CAMK2D: variants seen among roughly 807,000 people sequenced by gnomAD.
The protein encoded by CAMK2D is calcium/calmodulin dependent protein kinase II delta.
In CAMK2D, 37 loss-of-function variants were observed where a neutral mutation model predicts 84.0. The ratio of observed to expected loss-of-function variants is 0.44; its 90% CI spans 0.34 to 0.58. The LOEUF is 0.58. CAMK2D is among the 20% of genes least tolerant of loss of function. The pLI is 0.02. For synonymous variants in CAMK2D, 202 were observed against 212.5 expected (o/e 0.95, Z 0.43); for missense variants, 448 against 652.5 (o/e 0.69, Z 3.41).
intron 6 of CAMK2D, among the ~76,000 whole-genome samples, chr4:113,546,980 T>C (rs2098581457): frequency 6.6e-6 from 1 of 152,200 alleles, no homozygotes; most frequent in Admixed American, 6.5e-5. Context: ...AGAATATGTA[T>C]ATAGGGATAT....
intron 2 of CAMK2D, among the ~76,000 whole-genome samples, chr4:113,681,944 C>A (rs1037026562): frequency 6.6e-6 from 1 of 151,866 alleles, no homozygotes; most frequent in African/African-American, 2.4e-5. Context: ...GTTTCTCCAG[C>A]ACAAAGTATG....
intron 3 of CAMK2D, among the ~76,000 whole-genome samples, chr4:113,642,301 A>G (rs1201757641): frequency 1.3e-5 from 2 of 152,244 alleles, no homozygotes; most frequent in Non-Finnish European, 2.9e-5. Context: ...TATGATTTCC[A>G]TTCAGGATGG....
At chr4:113,725,513 T>C (rs2099543249) in intron 2 of CAMK2D, among the ~76,000 whole-genome samples, 1 of 152,158 alleles carries the variant, frequency 6.6e-6, no homozygotes, top group Non-Finnish European at 1.5e-5. Context: ...CTGGCCTTTC[T>C]AAGCCACTAA....
At position 113,549,259 on chromosome 4, in the gene CAMK2D, T is replaced by C. The variant is rs72907828; in HGVS notation, c.342-1543A>G. Among the ~76,000 whole-genome samples, 817 of 152,284 alleles carry C rather than the reference T, an allele frequency of 5.4e-3. 12 individuals are homozygous for C. Among genetic ancestry groups the C allele is most frequent in the African/African-American group, 0.019 (783 of 41,566 alleles). On this transcript the variant is annotated intron_variant, in intron 5 of 20. Transcript: ENST00000511664. ...TTCGCCTTAGAAGCGTTGCTTTTTG[T>C]AAAGTATATAACAGGAAAACAAATG...
At chr4:113,507,494 C>T (rs1046838140) in intron 13 of CAMK2D, among the ~76,000 whole-genome samples, 1 of 151,904 alleles carries the variant, frequency 6.6e-6, no homozygotes, top group Non-Finnish European at 1.5e-5. Flanking sequence ...GTCTCGAACT[C>T]CTGATCTCAG....
intron 2 of CAMK2D, among the ~76,000 whole-genome samples, chr4:113,676,780 C>G (rs932341699): frequency 6.6e-6 from 1 of 152,166 alleles, no homozygotes; most frequent in African/African-American, 2.4e-5. Context: ...GCTAAAATAG[C>G]TCTTGTCTCT....
intron 2 of CAMK2D, among the ~76,000 whole-genome samples, chr4:113,726,910 A>G (rs1376970876): frequency 6.6e-6 from 1 of 152,124 alleles, no homozygotes; most frequent in Non-Finnish European, 1.5e-5. Context: ...TCCTCTTAAT[A>G]TAAGGAAGTA....
rs1358643586 is a variant in CAMK2D, at chr4:113,761,373, G to A, written c.-305C>T. The A allele has an allele frequency of 4.5e-6, 6 of 1,329,336 alleles. No individual in the cohort carries two copies. Among genetic ancestry groups the A allele is most frequent in the Non-Finnish European group, 5.8e-6 (6 of 1,033,128 alleles). 82.3% of individuals were successfully genotyped at this position (1,329,336 alleles called of 1,614,324 possible). Reference sequence around the variant, plus strand: ...TTCCAGTCCCTGTCCCCAAATGCAGGGGGTAAAGTACTCAAGAAGAGGGGG... The same window carrying A: ...TTCCAGTCCCTGTCCCCAAATGCAGAGGGTAAAGTACTCAAGAAGAGGGGG... On this transcript the variant is annotated 5_prime_UTR_variant, in exon 1 of 21. Transcript: ENST00000511664.
chr4:113,510,479 A>G (rs996739595), intron 12 of CAMK2D, among the ~76,000 whole-genome samples: 4 of 152,182 alleles, frequency 2.6e-5, no homozygotes, highest in Admixed American at 2.6e-4. Flanking sequence ...GGGAGCTTTT[A>G]ACATTCCTTC....
intron 2 of CAMK2D, among the ~76,000 whole-genome samples, chr4:113,752,683 T>A (rs2099620028): frequency 6.6e-6 from 1 of 152,188 alleles, no homozygotes; most frequent in South Asian, 2.1e-4. Context: ...GAGATATTTT[T>A]AATCAGTTAA....
At chr4:113,617,960 A>T (rs868492222) in intron 3 of CAMK2D, among the ~76,000 whole-genome samples, 1 of 152,070 alleles carries the variant, frequency 6.6e-6, no homozygotes, top group African/African-American at 2.4e-5. Flanking sequence ...TATATATATA[A>T]AATATACACT....
chr4:113,509,618 G>A lies in CAMK2D; in HGVS notation c.984+20C>T. On this transcript the variant is annotated intron_variant, in intron 13 of 20. Transcript: ENST00000511664. ...GCATCTGAAAGTCAGAAATGGATTAGGGGCATCTGTTTAACTTACCTTTAC... is the reference window on the plus strand; with the variant it reads ...GCATCTGAAAGTCAGAAATGGATTAAGGGCATCTGTTTAACTTACCTTTAC... 1 of 1,519,934 alleles carries A rather than the reference G, an allele frequency of 6.6e-7. No homozygotes were observed. Among genetic ancestry groups the A allele is most frequent in the Non-Finnish European group, 9.1e-7 (1 of 1,094,162 alleles). 94.2% of individuals were successfully genotyped at this position (1,519,934 alleles called of 1,614,324 possible).
chr4:113,565,674 CA>C (rs1479729377), intron 4 of CAMK2D, among the ~76,000 whole-genome samples: 1 of 143,616 alleles, frequency 7.0e-6, no homozygotes, highest in Non-Finnish European at 1.5e-5. Context: ...AAAGAAGTCA[CA>C]CAAAAAAAAC....
At chr4:113,521,536 ATG>A (rs1179091231) in intron 8 of CAMK2D, among the ~76,000 whole-genome samples, 1 of 152,182 alleles carries the variant, frequency 6.6e-6, no homozygotes, top group Non-Finnish European at 1.5e-5. Flanking sequence ...GAGCACTTAC[ATG>A]TGCTGTCTTG....
At chr4:113,502,264 G>A (rs1227861782) in intron 15 of CAMK2D, among the ~76,000 whole-genome samples, 1 of 151,834 alleles carries the variant, frequency 6.6e-6, no homozygotes, top group East Asian at 1.9e-4. Context: ...ACAATGTATA[G>A]GAAACATTTA....
chr4:113,522,050 A>C (rs1358732046), intron 8 of CAMK2D, among the ~76,000 whole-genome samples: 2 of 152,168 alleles, frequency 1.3e-5, no homozygotes, highest in African/African-American at 4.8e-5. Flanking sequence ...TGTCCGGTTA[A>C]TAAGACTTTT....
At chr4:113,518,023 G>A (rs2098308979) in intron 8 of CAMK2D, among the ~76,000 whole-genome samples, 1 of 152,164 alleles carries the variant, frequency 6.6e-6, no homozygotes, top group African/African-American at 2.4e-5. Flanking sequence ...CTGTGAGGTT[G>A]AAGTTTAAAA....
intron 2 of CAMK2D, among the ~76,000 whole-genome samples, chr4:113,711,868 A>T (rs1032525450): frequency 6.6e-6 from 1 of 152,158 alleles, no homozygotes; most frequent in Admixed American, 6.6e-5. Flanking sequence ...ATAATTTTTT[A>T]AAATAACGTT....
chr4:113,542,398 G>A (rs2098535938), intron 6 of CAMK2D, among the ~76,000 whole-genome samples: 1 of 152,096 alleles, frequency 6.6e-6, no homozygotes, highest in African/African-American at 2.4e-5. Flanking sequence ...TTCACAGGTT[G>A]ATATATCTAC....
Sources: gnomAD v4.1 joint callset for allele counts (sites outside exome capture counted in the v4.1 genomes callset) on GRCh38, gnomAD v4.1.1 for gene constraint, MANE v1.5 for transcripts, NCBI Gene and HGNC (gene_info 2026-07-23, HGNC 2026-07-21) for gene names.